The following FAM210A variants were observed in gnomAD, a reference collection of about 807,000 sequenced individuals.
The protein encoded by FAM210A is family with sequence similarity 210 member A.
Under a neutral mutation model 25.3 loss-of-function variants are expected in FAM210A, and 13 were observed. That is an observed-to-expected ratio of 0.51 (90% CI 0.33 to 0.82). The LOEUF (loss-of-function observed/expected upper bound fraction) is 0.82, where lower values mean the gene tolerates loss of function less well. Ranked by LOEUF, FAM210A falls within the 40% of genes least tolerant of loss-of-function variation. The pLI is 0.02. For missense variants in FAM210A, 319 were observed against 323.2 expected (o/e 0.99, Z 0.10); for synonymous variants, 125 against 118.7 (o/e 1.05, Z -0.35).
intron 1 of FAM210A, among the ~76,000 whole-genome samples, chr18:13,722,569 T>G (rs1432578993): frequency 6.6e-6 from 1 of 152,196 alleles, no homozygotes; most frequent in Non-Finnish European, 1.5e-5. Context: ...CCCAGCTTCA[T>G]CAGGATGTTC....
intron 1 of FAM210A, among the ~76,000 whole-genome samples, chr18:13,717,241 A>C (rs1258140583): frequency 6.6e-6 from 1 of 152,190 alleles, no homozygotes; most frequent in Non-Finnish European, 1.5e-5. Flanking sequence ...GAACTGATAA[A>C]GGATCATTTT....
intron 1 of FAM210A, among the ~76,000 whole-genome samples, chr18:13,722,421 C>T (rs762018687): frequency 5.9e-5 from 9 of 152,050 alleles, no homozygotes; most frequent in South Asian, 2.1e-4. Flanking sequence ...TGAGGAAAAC[C>T]GGCAATGTCT....
chr18:13,705,318 G>C (rs1054657000), intron 1 of FAM210A, among the ~76,000 whole-genome samples: 1 of 152,176 alleles, frequency 6.6e-6, no homozygotes, highest in East Asian at 1.9e-4. Context: ...CGTTAATTAA[G>C]CATGGACACA....
intron 1 of FAM210A, among the ~76,000 whole-genome samples, chr18:13,697,925 T>G (rs1209188688): frequency 6.6e-6 from 1 of 152,156 alleles, no homozygotes; most frequent in Non-Finnish European, 1.5e-5. Context: ...AGAGGAACCT[T>G]AAATGCATAT....
intron 1 of FAM210A, among the ~76,000 whole-genome samples, chr18:13,705,832 T>A (rs776429852): frequency 6.6e-6 from 1 of 152,202 alleles, no homozygotes; most frequent in Non-Finnish European, 1.5e-5. Flanking sequence ...GAGAAGACCA[T>A]GAAAGCTTCA....
chr18:13,677,263 A>T (rs2043512760), intron 2 of FAM210A, among the ~76,000 whole-genome samples: 1 of 151,980 alleles, frequency 6.6e-6, no homozygotes, highest in African/African-American at 2.4e-5. Context: ...TTTAGTAGAG[A>T]CAGGGTTTCA....
intron 1 of FAM210A, among the ~76,000 whole-genome samples, chr18:13,724,902 T>C (rs1314485632): frequency 2.6e-5 from 4 of 152,056 alleles, no homozygotes; most frequent in Non-Finnish European, 5.9e-5. Context: ...GCCTCCTGAG[T>C]AGCTGGGATT....
intron 1 of FAM210A, among the ~76,000 whole-genome samples, chr18:13,711,353 A>G (rs1482658590): frequency 1.3e-5 from 2 of 152,202 alleles, no homozygotes; most frequent in Non-Finnish European, 2.9e-5. Flanking sequence ...CCTGGGGAAC[A>G]GACAGGCTCA....
At chr18:13,673,667 GATT>G (rs71174181) in intron 2 of FAM210A, among the ~76,000 whole-genome samples, 29,549 of 132,478 alleles carry the variant, frequency 0.22, 4,873 homozygotes, top group Non-Finnish European at 0.32. Context: ...CCAGTTTCCT[GATT>G]ATTAACATTC....
At chr18:13,693,538 C>T (rs529976987) in intron 1 of FAM210A, among the ~76,000 whole-genome samples, 4 of 152,294 alleles carry the variant, frequency 2.6e-5, no homozygotes, top group African/African-American at 9.6e-5. Flanking sequence ...TCAAAAAGCT[C>T]ATCCACCAGG....
At position 13,664,566 on chromosome 18, in the gene FAM210A, T is replaced by C. The variant is rs2043384762; in HGVS notation, c.*1914A>G. 1 of 152,198 alleles carries C rather than the reference T, an allele frequency of 6.6e-6. No homozygotes were observed. Among genetic ancestry groups the C allele is most frequent in the South Asian group, 2.1e-4 (1 of 4,830 alleles). 9.4% of individuals were successfully genotyped at this position (152,198 alleles called of 1,614,324 possible). A position where few individuals can be genotyped will look rare whatever the true frequency, so the allele number is the denominator to read the frequency against. On this transcript the variant is annotated 3_prime_UTR_variant, in exon 4 of 4. Coordinates refer to ENST00000651643, the MANE Select transcript of FAM210A (RefSeq NM_152352.4). ...TTTAGATTTGAAAATGTGGCATCAA[T>C]GTGAAGCAGTGCATTCAACCCTCTG...
At chr18:13,694,638 T>C (rs1473042579) in intron 1 of FAM210A, among the ~76,000 whole-genome samples, 4 of 152,172 alleles carry the variant, frequency 2.6e-5, no homozygotes, top group East Asian at 1.9e-4. Flanking sequence ...ATTTAATAAA[T>C]GGTGCTGGGA....
chr18:13,704,902 C>T (rs1413387557), intron 1 of FAM210A, among the ~76,000 whole-genome samples: 1 of 152,072 alleles, frequency 6.6e-6, no homozygotes, highest in African/African-American at 2.4e-5. Flanking sequence ...CAGTTAATTG[C>T]TTAATGCGGT....
At chr18:13,683,728 C>T (rs558251767) in intron 1 of FAM210A, among the ~76,000 whole-genome samples, 40 of 152,242 alleles carry the variant, frequency 2.6e-4, no homozygotes, top group Admixed American at 6.5e-4. Context: ...CCTTCCCACT[C>T]CCAATGCCAG....
chr18:13,680,124 G>C (rs1601946167), intron 2 of FAM210A, among the ~76,000 whole-genome samples: 1 of 152,288 alleles, frequency 6.6e-6, no homozygotes, highest in East Asian at 1.9e-4. Flanking sequence ...ATCTTTCACA[G>C]ACTGAATCAC....
intron 1 of FAM210A, among the ~76,000 whole-genome samples, chr18:13,703,095 G>A (rs188305539): frequency 1.3e-5 from 2 of 152,194 alleles, no homozygotes; most frequent in Non-Finnish European, 2.9e-5. Context: ...TAAATCCCAG[G>A]AATTGGAAGT....
chr18:13,686,539 T>C (rs928014704), intron 1 of FAM210A, among the ~76,000 whole-genome samples: 2 of 152,218 alleles, frequency 1.3e-5, no homozygotes, highest in African/African-American at 4.8e-5. Flanking sequence ...TAAGTGTGTA[T>C]ATTCAGGGCA....
chr18:13,690,699 G>A (rs937894045), intron 1 of FAM210A, among the ~76,000 whole-genome samples: 1 of 152,214 alleles, frequency 6.6e-6, no homozygotes, highest in Non-Finnish European at 1.5e-5. Context: ...GGTTCTGACT[G>A]TTAGAAGGAA....
rs1382596551 is a variant in FAM210A, at chr18:13,665,586, A to C, written c.*894T>G. ...CTACCCCAAGGAGTTAGCAGTCTCC[A>C]TGAAAACCTGACTCCATTTTTAGTC... On this transcript the variant is annotated 3_prime_UTR_variant, in exon 4 of 4. Transcript: ENST00000651643. The C allele has an allele frequency of 6.6e-6, 1 of 151,908 alleles. No individual in the cohort carries two copies. Among genetic ancestry groups the C allele is most frequent in the East Asian group, 1.9e-4 (1 of 5,164 alleles). 9.4% of individuals were successfully genotyped at this position (151,908 alleles called of 1,614,324 possible).
Sources: allele counts gnomAD v4.1 joint callset (sites outside exome capture counted in the v4.1 genomes callset), GRCh38; gene constraint gnomAD v4.1.1; transcripts MANE v1.5; gene names NCBI Gene and HGNC (gene_info 2026-07-23, HGNC 2026-07-21).